ARHGEF19: variants seen among roughly 807,000 people sequenced by gnomAD.
ARHGEF19 encodes the protein Rho guanine nucleotide exchange factor 19.
ARHGEF19 carries 92 observed loss-of-function variants against 87.6 expected under a neutral mutation model. The observed-to-expected ratio is 1.05, with a 90% CI of 0.89 to 1.25. The LOEUF (loss-of-function observed/expected upper bound fraction) is 1.25, where lower values mean the gene tolerates loss of function less well. ARHGEF19 is among the 50% of genes most tolerant of loss of function. The pLI is 0.00. For missense variants in ARHGEF19, 1,054 were observed against 1,051.8 expected (o/e 1.00, Z -0.03); for synonymous variants, 438 against 446.2 (o/e 0.98, Z 0.23).
chr1:16,212,094 A>T (rs1472673718), intron 1 of ARHGEF19, among the ~76,000 whole-genome samples: 1 of 152,218 alleles, frequency 6.6e-6, no homozygotes, highest in African/African-American at 2.4e-5. Context: ...TGGGCCAAGA[A>T]GGATGGGCAG....
At position 16,206,581 on chromosome 1, in the gene ARHGEF19, G is replaced by C; in HGVS notation, c.1138-241C>G. 2.0e-6 allele frequency: 1 copy of C among 504,208 alleles called. No individual in the cohort carries two copies. The highest frequency in any genetic ancestry group is 3.5e-6 in the Non-Finnish European group (1 of 285,824). The allele number at this position is 504,208 out of a possible 1,614,324, so 31.2% of individuals were successfully genotyped here. A position where few individuals can be genotyped will look rare whatever the true frequency, so the allele number is the denominator to read the frequency against. ...CCCGCCCCGACGCGTTCTTCCCAGA[G>C]CCCCGCCCACCCCCCAGGTCCCGCC... On this transcript the variant is annotated intron_variant, in intron 6 of 15. Coordinates refer to ENST00000270747, the MANE Select transcript of ARHGEF19 (RefSeq NM_153213.5). This position sits in a 1 kb window ranked among gnomAD's most constrained non-coding sequence, Gnocchi z 4.6.
chr1:16,205,281 G>C lies in ARHGEF19; in HGVS notation c.1656+70C>G, dbSNP rs2081117697. ...CCGGAGACTCTGACAGCTGGGGGCT[G>C]TTTTAGAGACGTGCTGGGGGTCCAG... On this transcript the variant is annotated intron_variant, in intron 10 of 15. Transcript: ENST00000270747. This position sits in a 1 kb window ranked among gnomAD's most constrained non-coding sequence, Gnocchi z 5.8. 1 of 1,609,464 alleles carries C rather than the reference G, an allele frequency of 6.2e-7. No homozygotes were observed. The highest frequency in any genetic ancestry group is 8.5e-7 in the Non-Finnish European group (1 of 1,176,766).
At position 16,205,136 on chromosome 1, in the gene ARHGEF19, C is replaced by G; in HGVS notation, c.1697G>C (p.Arg566Thr). The change falls in exon 11 of 16, where the codon AGG becomes ACG. Residue 566 changes from arginine (R) to threonine (T), a missense_variant. Coordinates refer to ENST00000270747, the MANE Select transcript of ARHGEF19 (RefSeq NM_153213.5). The surrounding 1 kb of genome is among the most constrained non-coding windows in gnomAD (Gnocchi z 5.8). ...GCTCAGGTGGATGAGTTCCTCTGTC[C>G]TCTTCATGGACTGTACACTAGCATT... is the stretch of plus-strand genomic sequence containing the variant. ...ECNASVQSMK[R>T]TEELIHLSKK... 1 of 1,605,262 alleles carries G rather than the reference C, an allele frequency of 6.2e-7. No homozygotes were observed. Among genetic ancestry groups the G allele is most frequent in the Non-Finnish European group, 8.5e-7 (1 of 1,175,944 alleles).
At chr1:16,208,585 G>T in intron 2 of ARHGEF19, 58 bp downstream of exon 2, 1 of 1,522,762 alleles carries the variant, frequency 6.6e-7, no homozygotes, top group Non-Finnish European at 8.8e-7. Context: ...GAGCTGCCCA[G>T]CCCCTCCCCT....
chr1:16,207,008 G>C lies in ARHGEF19; in HGVS notation c.1077C>G (p.Pro359=), dbSNP rs2081143900. The C allele has an allele frequency of 1.3e-6, 2 of 1,517,278 alleles. No individual in the cohort carries two copies. Among genetic ancestry groups the C allele is most frequent in the Non-Finnish European group, 8.8e-7 (1 of 1,135,498 alleles). The allele number at this position is 1,517,278 out of a possible 1,614,324, so 94.0% of individuals were successfully genotyped here. ...CCAGGACGCCGCTGCCGCGTACGTCGGGGATATCCTGCCACAGCGAGAAGG... is the reference window on the plus strand; with the variant it reads ...CCAGGACGCCGCTGCCGCGTACGTCCGGGATATCCTGCCACAGCGAGAAGG... ...GSTFSLWQDI[P]DVRGSGVLAT... The change falls in exon 6 of 16, where the codon CCC becomes CCG. Residue 359 remains proline (P), a synonymous_variant. Coordinates refer to ENST00000270747, the MANE Select transcript of ARHGEF19 (RefSeq NM_153213.5). The surrounding 1 kb of genome is among the most constrained non-coding windows in gnomAD (Gnocchi z 4.0).
At chr1:16,210,964 C>G (rs2081191814) in intron 1 of ARHGEF19, among the ~76,000 whole-genome samples, 1 of 152,098 alleles carries the variant, frequency 6.6e-6, no homozygotes, top group Non-Finnish European at 1.5e-5. Context: ...ACTGCTTCCC[C>G]CTGCTCCCTT....
At position 16,198,781 on chromosome 1, in the gene ARHGEF19, G is replaced by A; in HGVS notation, c.2252-37C>T. ...TAGGCCAAGAACAACAGCATCAAAG[G>A]GGTACCAGGGCCAGGCCTGGAAGGG... On this transcript the variant is annotated intron_variant, in intron 15 of 15. Transcript: ENST00000270747. The surrounding 1 kb of genome is among the most constrained non-coding windows in gnomAD (Gnocchi z 4.1). 6.4e-7 allele frequency: 1 copy of A among 1,558,406 alleles called. No individual in the cohort carries two copies.
At chr1:16,210,966 T>C in intron 1 of ARHGEF19, among the ~76,000 whole-genome samples, 1 of 152,032 alleles carries the variant, frequency 6.6e-6, no homozygotes, top group East Asian at 1.9e-4. Flanking sequence ...TGCTTCCCCC[T>C]GCTCCCTTCA....
rs890433155 is a variant in ARHGEF19, at chr1:16,206,365, G to A, written c.1138-25C>T. 2.4e-5 allele frequency: 37 copies of A among 1,565,774 alleles called. No homozygotes were observed. In the Admixed American group the frequency reaches 2.5e-4, roughly 11 times the overall value. On this transcript the variant is annotated intron_variant, in intron 6 of 15. Coordinates refer to ENST00000270747, the MANE Select transcript of ARHGEF19 (RefSeq NM_153213.5). The surrounding 1 kb of genome is among the most constrained non-coding windows in gnomAD (Gnocchi z 4.6). ...CCTGAGGGAGGGCACACACGGGGTCGAAAGGGCAGGACCAGTTCACCTCGG... is the reference window on the plus strand; with the variant it reads ...CCTGAGGGAGGGCACACACGGGGTCAAAAGGGCAGGACCAGTTCACCTCGG...
chr1:16,207,889 C>A lies in ARHGEF19; in HGVS notation c.694+55G>T. 6.9e-7 allele frequency: 1 copy of A among 1,452,184 alleles called. No homozygotes were observed. Among genetic ancestry groups the A allele is most frequent in the Non-Finnish European group, 9.5e-7 (1 of 1,053,020 alleles). The allele number at this position is 1,452,184 out of a possible 1,614,324, so 90.0% of individuals were successfully genotyped here. A position where few individuals can be genotyped will look rare whatever the true frequency, so the allele number is the denominator to read the frequency against. On this transcript the variant is annotated intron_variant, in intron 3 of 15. Coordinates refer to ENST00000270747, the MANE Select transcript of ARHGEF19 (RefSeq NM_153213.5). This position sits in a 1 kb window ranked among gnomAD's most constrained non-coding sequence, Gnocchi z 4.0. The stretch of plus-strand genomic sequence containing the variant: ...CGGCCGGTGAGTGGGCATCGCCCAC[C>A]CCCACCCCCACCCGGCATCTGGCTG...
rs2081178787 is a variant in ARHGEF19, at chr1:16,209,511, T to C, written c.-29-428A>G. Among the ~76,000 whole-genome samples, 4 of 152,300 alleles carry C rather than the reference T, an allele frequency of 2.6e-5. 1 individual carries two copies. In the South Asian group the frequency reaches 8.3e-4, roughly 32 times the overall value. ...ATACATACATTGTCACACAAATCCATTTCCCAACATATACATCCACACTAC... is the reference window on the plus strand; with the variant it reads ...ATACATACATTGTCACACAAATCCACTTCCCAACATATACATCCACACTAC... On this transcript the variant is annotated intron_variant, in intron 1 of 15. Coordinates refer to ENST00000270747, the MANE Select transcript of ARHGEF19 (RefSeq NM_153213.5).
At position 16,206,306 on chromosome 1, in the gene ARHGEF19, TAGG is replaced by T; in HGVS notation, c.1169_1171del (p.Ser390del). The stretch of plus-strand genomic sequence containing the variant: ...CACAGCCACCGACAGGCTGTGGATG[TAGG>T]AGGCCTCGGAGGTGATCAGCTCAAA... On this transcript the variant is annotated inframe_deletion, in exon 7 of 16. Coordinates refer to ENST00000270747, the MANE Select transcript of ARHGEF19 (RefSeq NM_153213.5). This position sits in a 1 kb window ranked among gnomAD's most constrained non-coding sequence, Gnocchi z 4.6. 6.3e-7 allele frequency: 1 copy of T among 1,582,508 alleles called. No individual in the cohort carries two copies. The highest frequency in any genetic ancestry group is 8.6e-7 in the Non-Finnish European group (1 of 1,164,994).
intron 14 of ARHGEF19, among the ~76,000 whole-genome samples, chr1:16,200,307 G>A (rs915558497): frequency 1.3e-5 from 2 of 152,250 alleles, no homozygotes; most frequent in African/African-American, 4.8e-5. Flanking sequence ...ACCTAGTAGG[G>A]TTGCCATGAG....
At chr1:16,208,557 T>G in intron 2 of ARHGEF19, 86 bp downstream of exon 2, 2 of 1,456,886 alleles carry the variant, frequency 1.4e-6, no homozygotes, top group South Asian at 2.7e-5. Flanking sequence ...GGGGGAACCT[T>G]GGGACATAAA....
At position 16,208,699 on chromosome 1, in the gene ARHGEF19, G is replaced by A. The variant is rs758605984; in HGVS notation, c.356C>T (p.Pro119Leu). The change falls in exon 2 of 16, where the codon CCC (proline) becomes CTC (leucine). Residue 119 changes from proline to leucine, a missense_variant. Physicochemically the swap from Pro to Leu is moderately conservative, Grantham distance 98. Transcript: ENST00000270747. ...CCGGCGCTGTGGCTGTGTGTGTCGGGGACTCCAGGGTCCCTCCAGAGCTGG... is the reference window on the plus strand; with the variant it reads ...CCGGCGCTGTGGCTGTGTGTGTCGGAGACTCCAGGGTCCCTCCAGAGCTGG... ...QPPALEGPWS[P>L]RHTQPQRRAS... 6.2e-7 allele frequency: 1 copy of A among 1,607,666 alleles called. No homozygotes were observed.
intron 14 of ARHGEF19, 55 bp downstream of exon 14, chr1:16,201,727 G>C: frequency 6.4e-7 from 1 of 1,572,670 alleles, no homozygotes; most frequent in African/African-American, 1.3e-5. Context: ...TGGGAGGGGA[G>C]GAGAGCGGGC....
At chr1:16,200,049 G>T (rs2081071542) in intron 14 of ARHGEF19, among the ~76,000 whole-genome samples, 1 of 152,152 alleles carries the variant, frequency 6.6e-6, no homozygotes, top group Non-Finnish European at 1.5e-5. Flanking sequence ...TAATTGCCAG[G>T]GACCTCCCCT....
Position 16,205,187 on chromosome 1 carries a change from C to A in ARHGEF19, c.1657-11G>T, listed in dbSNP as rs373779010. On this transcript the variant is annotated splice_polypyrimidine_tract_variant and intron_variant, in intron 10 of 15. Coordinates refer to ENST00000270747, the MANE Select transcript of ARHGEF19 (RefSeq NM_153213.5). The surrounding 1 kb of genome is among the most constrained non-coding windows in gnomAD (Gnocchi z 5.8). ...GCACTCCTGCACCAGCTGGGGGAGC[C>A]GTGGGGAGGTCACCTGCAGCCCCTC... 1.9e-6 allele frequency: 3 copies of A among 1,593,844 alleles called. No individual in the cohort carries two copies. In the Admixed American group the frequency reaches 5.4e-5, roughly 29 times the overall value.
At chr1:16,199,661 C>A (rs534511151) in intron 14 of ARHGEF19, among the ~76,000 whole-genome samples, 1 of 151,980 alleles carries the variant, frequency 6.6e-6, no homozygotes, top group African/African-American at 2.4e-5. Flanking sequence ...TCCCTTTGGC[C>A]CATCCTTCCC....
Sources: gnomAD v4.1 joint callset for allele counts (sites outside exome capture counted in the v4.1 genomes callset) on GRCh38, gnomAD v4.1.1 for gene constraint, Gnocchi (gnomAD v3.1) non-coding constraint, MANE v1.5 for transcripts, NCBI Gene and HGNC (gene_info 2026-07-23, HGNC 2026-07-21) for gene names.